SLC35F4: variants seen among roughly 807,000 people sequenced by gnomAD.
The protein encoded by SLC35F4 is chromosome 14 open reading frame 36.
SLC35F4 carries 24 observed loss-of-function variants against 44.2 expected under a neutral mutation model. The observed-to-expected ratio is 0.54, with a 90% CI of 0.39 to 0.76. The LOEUF (loss-of-function observed/expected upper bound fraction) is 0.76, where lower values mean the gene tolerates loss of function less well. Ranked by LOEUF, SLC35F4 falls within the 30% of genes least tolerant of loss-of-function variation. SLC35F4 has a pLI of 0.00. For missense variants in SLC35F4, 562 were observed against 586.1 expected (o/e 0.96, Z 0.42); for synonymous variants, 238 against 223.6 (o/e 1.06, Z -0.57).
At chr14:57,774,945 C>A (rs575470935) in intron 1 of SLC35F4, among the ~76,000 whole-genome samples, 7 of 151,860 alleles carry the variant, frequency 4.6e-5, no homozygotes, top group Non-Finnish European at 7.4e-5. Flanking sequence ...CTCTTCTACC[C>A]CCCACCACAC....
chr14:57,974,487 A>T (rs936425097), downstream of SLC35F4, among the ~76,000 whole-genome samples: 1 of 152,180 alleles, frequency 6.6e-6, no homozygotes, highest in Non-Finnish European at 1.5e-5. Context: ...GCCCTCTTTA[A>T]TCTACCATAG....
chr14:57,759,166 A>G (rs1451897586), intron 1 of SLC35F4, among the ~76,000 whole-genome samples: 3 of 152,168 alleles, frequency 2.0e-5, no homozygotes, highest in African/African-American at 7.2e-5. Flanking sequence ...CCTCTTGGCA[A>G]TGGTGAATAA....
intron 1 of SLC35F4, among the ~76,000 whole-genome samples, chr14:57,779,725 T>G (rs960619507): frequency 6.6e-6 from 1 of 152,178 alleles, no homozygotes; most frequent in Non-Finnish European, 1.5e-5. Context: ...ATGAAAAAGC[T>G]AATCCACCAT....
intron 1 of SLC35F4, among the ~76,000 whole-genome samples, chr14:57,913,559 A>T (rs1394641275): frequency 4.6e-5 from 7 of 152,164 alleles, no homozygotes; most frequent in Non-Finnish European, 8.8e-5. Context: ...AGAAGGTGTA[A>T]TCTATCGCAG....
chr14:57,744,989 G>A (rs538201344), intron 1 of SLC35F4, among the ~76,000 whole-genome samples: 30 of 152,238 alleles, frequency 2.0e-4, no homozygotes, highest in African/African-American at 6.7e-4. Flanking sequence ...CAAGAAATGG[G>A]GAAAGGATTC....
At chr14:57,934,606 C>A (rs767974723) in intron 1 of SLC35F4, among the ~76,000 whole-genome samples, 24 of 151,884 alleles carry the variant, frequency 1.6e-4, no homozygotes, top group Non-Finnish European at 2.9e-4. Context: ...AAGTAAGTGG[C>A]CAGAAAGGCT....
intron 1 of SLC35F4, among the ~76,000 whole-genome samples, chr14:57,883,392 T>C (rs5003848): frequency 0.18 from 26,915 of 152,108 alleles, 3,440 homozygotes; most frequent in East Asian, 0.4. Flanking sequence ...GCAATAGGCT[T>C]CTCACTCAAA....
intron 7 of SLC35F4, 63 bp downstream of exon 7, chr14:57,566,412 G>T: frequency 1.4e-6 from 2 of 1,478,590 alleles, no homozygotes; most frequent in Non-Finnish European, 1.8e-6. Flanking sequence ...TCAGGACACA[G>T]AACAAACACA....
chr14:57,818,181 G>A lies in SLC35F4; in HGVS notation c.103+47542C>T, dbSNP rs182046552. On this transcript the variant is annotated intron_variant, in intron 1 of 7. Transcript: ENST00000556826. ...TAATTGCCCCCATGGCATCAAGGCT[G>A]GAGGAAAAGTCAGGGGCTCTCTCTC... Among the ~76,000 whole-genome samples the A allele has an allele frequency of 1.1e-3, 169 of 152,284 alleles. 1 individual carries two copies. Among genetic ancestry groups the A allele is most frequent in the African/African-American group, 3.9e-3 (162 of 41,558 alleles).
At chr14:57,586,535 G>T (rs548577541) in intron 3 of SLC35F4, among the ~76,000 whole-genome samples, 1 of 151,704 alleles carries the variant, frequency 6.6e-6, no homozygotes, top group Non-Finnish European at 1.5e-5. Context: ...GGCTAACACA[G>T]TGAAACCCCA....
intron 1 of SLC35F4, among the ~76,000 whole-genome samples, chr14:57,600,420 C>T (rs77827047): frequency 2.0e-5 from 3 of 151,868 alleles, no homozygotes; most frequent in East Asian, 1.9e-4. Flanking sequence ...GGGCCGGGCG[C>T]GGTGGCTCAC....
At chr14:57,585,314 AC>A (rs1241100985) in intron 3 of SLC35F4, among the ~76,000 whole-genome samples, 1 of 152,170 alleles carries the variant, frequency 6.6e-6, no homozygotes. Context: ...AAGTTCTTAA[AC>A]TAGGTATGGA....
At chr14:57,769,399 C>A (rs2077308238) in intron 1 of SLC35F4, among the ~76,000 whole-genome samples, 2 of 152,162 alleles carry the variant, frequency 1.3e-5, no homozygotes, top group Admixed American at 1.3e-4. Context: ...GAAAAAAAGA[C>A]ATGCCAGAAT....
intron 1 of SLC35F4, among the ~76,000 whole-genome samples, chr14:57,928,277 C>T (rs374987875): frequency 1.3e-5 from 2 of 152,194 alleles, no homozygotes; most frequent in African/African-American, 4.8e-5. Flanking sequence ...GTAGAGACAA[C>T]GTGGAGAGCC....
chr14:57,891,056 CAG>C (rs1204730092), intron 1 of SLC35F4, among the ~76,000 whole-genome samples: 1 of 152,102 alleles, frequency 6.6e-6, no homozygotes, highest in Non-Finnish European at 1.5e-5. Context: ...AGAGCCTGAG[CAG>C]AGTCAGAGGA....
chr14:57,776,686 A>T (rs2077498637), intron 1 of SLC35F4, among the ~76,000 whole-genome samples: 1 of 149,002 alleles, frequency 6.7e-6, no homozygotes, highest in Non-Finnish European at 1.5e-5. Context: ...AAAAAAAAAA[A>T]AAATTAAAGG....
At chr14:57,760,419 T>C (rs1239944982) in intron 1 of SLC35F4, among the ~76,000 whole-genome samples, 1 of 152,208 alleles carries the variant, frequency 6.6e-6, no homozygotes, top group Non-Finnish European at 1.5e-5. Context: ...CCATACTGTT[T>C]TTATTACTGT....
At chr14:57,878,498 A>C (rs1888450353) in intron 1 of SLC35F4, among the ~76,000 whole-genome samples, 1 of 152,102 alleles carries the variant, frequency 6.6e-6, no homozygotes, top group South Asian at 2.1e-4. Context: ...CTCATTCTAA[A>C]TTCCTGAATG....
At chr14:57,923,617 C>G (rs554280728) in intron 1 of SLC35F4, among the ~76,000 whole-genome samples, 2 of 152,346 alleles carry the variant, frequency 1.3e-5, no homozygotes, top group African/African-American at 2.4e-5. Context: ...TTCACATCAG[C>G]TCCAAAGCCT....
Sources: gnomAD v4.1 joint callset for allele counts (sites outside exome capture counted in the v4.1 genomes callset) on GRCh38, gnomAD v4.1.1 for gene constraint, MANE v1.5 for transcripts, NCBI Gene and HGNC (gene_info 2026-07-23, HGNC 2026-07-21) for gene names.